CPS1: variants seen among roughly 807,000 people sequenced by gnomAD.
The protein encoded by CPS1 is carbamoyl-phosphate synthase 1.
A neutral mutation model predicts 174.6 loss-of-function variants in CPS1; 109 were observed. The observed-to-expected ratio is 0.62, with a 90% CI of 0.53 to 0.73. The LOEUF (loss-of-function observed/expected upper bound fraction) is 0.73, where lower values mean the gene tolerates loss of function less well. Ranked by LOEUF, CPS1 falls within the 30% of genes least tolerant of loss-of-function variation. The pLI, the probability that CPS1 is intolerant of heterozygous loss-of-function variation, is 0.00. For missense variants in CPS1, 1,689 were observed against 1,821.9 expected (o/e 0.93, Z 1.33); for synonymous variants, 637 against 632.0 (o/e 1.01, Z -0.12).
intron 1 of CPS1, among the ~76,000 whole-genome samples, chr2:210,508,922 C>G (rs4673537): frequency 5.9e-5 from 9 of 151,922 alleles, no homozygotes; most frequent in African/African-American, 2.2e-4. Flanking sequence ...CGGGACCAGA[C>G]AGATTCACAG....
intron 19 of CPS1, 109 bp from the exon 20 acceptor site, chr2:210,612,008 T>C (rs1699141751): frequency 9.8e-7 from 1 of 1,016,142 alleles, no homozygotes; most frequent in Non-Finnish European, 1.5e-6. Flanking sequence ...TTATGATATA[T>C]TTTTTGTTCT....
At chr2:210,620,211 G>A (rs1699462892) in intron 21 of CPS1, among the ~76,000 whole-genome samples, 1 of 151,960 alleles carries the variant, frequency 6.6e-6, no homozygotes, top group South Asian at 2.1e-4. Context: ...TATTAAAAAA[G>A]ATATACTCAC....
chr2:210,565,409 T>A (rs1378416056), intron 1 of CPS1, among the ~76,000 whole-genome samples: 1 of 152,194 alleles, frequency 6.6e-6, no homozygotes, highest in Non-Finnish European at 1.5e-5. Flanking sequence ...AATGCCAAAC[T>A]GTTAGTGGAA....
chr2:210,656,694 T>C (rs1274029417), intron 30 of CPS1, 62 bp downstream of exon 30: 2 of 403,776 alleles, frequency 5.0e-6, no homozygotes, highest in East Asian at 7.4e-5. Context: ...ACACCTAAGG[T>C]TTTTTTTTTT....
chr2:210,487,251 C>A (rs138926208), intron 1 of CPS1, among the ~76,000 whole-genome samples: 1 of 152,212 alleles, frequency 6.6e-6, no homozygotes, highest in Non-Finnish European at 1.5e-5. Context: ...GTGCTCACCC[C>A]ACCCTGCTTC....
At chr2:210,611,543 T>C (rs562763927) in intron 19 of CPS1, among the ~76,000 whole-genome samples, 3 of 149,294 alleles carry the variant, frequency 2.0e-5, no homozygotes, top group African/African-American at 7.3e-5. Flanking sequence ...GAAAGACACA[T>C]TGAATTTGTC....
intron 37 of CPS1, 126 bp from the exon 38 acceptor site, chr2:210,677,761 C>T (rs535617974): frequency 2.5e-6 from 2 of 816,038 alleles, no homozygotes; most frequent in Admixed American, 3.4e-5. Context: ...ACATAAAAAA[C>T]TTTTATGCCT....
At chr2:210,614,836 A>G (rs934411839) in intron 20 of CPS1, among the ~76,000 whole-genome samples, 1 of 151,696 alleles carries the variant, frequency 6.6e-6, no homozygotes, top group Non-Finnish European at 1.5e-5. Context: ...TGGAACAATG[A>G]GAACATATGA....
chr2:210,579,843 C>G, intron 5 of CPS1, 73 bp downstream of exon 5: 1 of 1,220,446 alleles, frequency 8.2e-7, no homozygotes, highest in Non-Finnish European at 1.2e-6. Flanking sequence ...TGGTGTTTCC[C>G]TCAGTGCCTA....
chr2:210,584,076 A>G (rs114453250), intron 6 of CPS1, among the ~76,000 whole-genome samples: 1,637 of 152,246 alleles, frequency 0.011, 27 homozygotes, highest in African/African-American at 0.037. Context: ...GGATACTGCT[A>G]TGAAATTTTT....
In CPS1 at chr2:210,666,425, G is replaced by A. The variant is rs1380154580; in HGVS notation, c.4003-1761G>A. On this transcript the variant is annotated intron_variant, in intron 33 of 37. Coordinates refer to ENST00000233072, the MANE Select transcript of CPS1 (RefSeq NM_001875.5). ...CCATGCCTATGTCCTGAATGGTAATGCCTAGGTTTTCTTCTAGGGTTTTTA... is the reference window on the plus strand; with the variant it reads ...CCATGCCTATGTCCTGAATGGTAATACCTAGGTTTTCTTCTAGGGTTTTTA... Among the ~76,000 whole-genome samples, 15 of 151,700 alleles carry A rather than the reference G, an allele frequency of 9.9e-5. No homozygotes were observed. The South Asian group carries it at 2.9e-3, about 30-fold the overall frequency.
At chr2:210,481,406 T>C (rs769974885) in intron 1 of CPS1, among the ~76,000 whole-genome samples, 30 of 152,364 alleles carry the variant, frequency 2.0e-4, no homozygotes, top group Non-Finnish European at 2.9e-4. Flanking sequence ...TATCCCCTTC[T>C]GGAGGGGTCT....
At chr2:210,519,342 A>G (rs1165998475) in intron 1 of CPS1, among the ~76,000 whole-genome samples, 1 of 152,064 alleles carries the variant, frequency 6.6e-6, no homozygotes, top group East Asian at 1.9e-4. Flanking sequence ...TATATTTCAT[A>G]TTCTTTTGAT....
chr2:210,621,715 G>A (rs1166445795), intron 21 of CPS1, among the ~76,000 whole-genome samples: 2 of 152,054 alleles, frequency 1.3e-5, no homozygotes, highest in Admixed American at 6.6e-5. Flanking sequence ...AAATAAAGAT[G>A]TCAAATGTCT....
intron 21 of CPS1, chr2:210,618,684 G>A (rs1199590557): frequency 1.3e-5 from 2 of 152,016 alleles, no homozygotes; most frequent in African/African-American, 4.8e-5. Flanking sequence ...GAAAGAATAC[G>A]ACAGCTGATG....
chr2:210,597,307 C>G (rs868624177), intron 13 of CPS1, among the ~76,000 whole-genome samples: 10 of 151,756 alleles, frequency 6.6e-5, no homozygotes, highest in Admixed American at 5.3e-4. Context: ...TGAGAGATGA[C>G]TCGTATTGAG....
chr2:210,484,494 C>A (rs973993284), intron 1 of CPS1, among the ~76,000 whole-genome samples: 4 of 152,144 alleles, frequency 2.6e-5, no homozygotes, highest in Admixed American at 6.5e-5. Context: ...TTTGAATAAA[C>A]ATAGAAATTG....
intron 1 of CPS1, among the ~76,000 whole-genome samples, chr2:210,511,186 G>A (rs894041239): frequency 9.9e-5 from 15 of 152,134 alleles, no homozygotes; most frequent in Non-Finnish European, 1.9e-4. Flanking sequence ...ATACACCATG[G>A]AATACTATGC....
chr2:210,487,058 C>A (rs1055240085), intron 1 of CPS1, among the ~76,000 whole-genome samples: 3 of 152,078 alleles, frequency 2.0e-5, no homozygotes, highest in African/African-American at 7.3e-5. Flanking sequence ...TCTACACACA[C>A]AAAAATATAC....
Sources: allele counts gnomAD v4.1 joint callset (sites outside exome capture counted in the v4.1 genomes callset), GRCh38; gene constraint gnomAD v4.1.1; transcripts MANE v1.5; gene names NCBI Gene and HGNC (gene_info 2026-07-23, HGNC 2026-07-21).